TEX9: variants seen among roughly 807,000 people sequenced by gnomAD.
TEX9 encodes the protein testis expressed 9, also known as testis-expressed protein 9.
TEX9 carries 74 observed loss-of-function variants against 59.6 expected under a neutral mutation model. The observed-to-expected ratio is 1.24, with a 90% CI of 1.03 to 1.51. The LOEUF is 1.51. Among genes scored for constraint, TEX9 ranks in the 40% most tolerant of loss-of-function variants. The pLI, the probability that TEX9 is intolerant of heterozygous loss-of-function variation, is 0.00. For missense variants in TEX9, 522 were observed against 447.8 expected (o/e 1.17, Z -1.49); for synonymous variants, 186 against 152.2 (o/e 1.22, Z -1.64).
intron 6 of TEX9, among the ~76,000 whole-genome samples, chr15:56,390,956 C>G (rs1316014421): frequency 6.6e-6 from 1 of 152,036 alleles, no homozygotes; most frequent in Admixed American, 6.6e-5. Context: ...AAAGCCTTCT[C>G]TAGCTCTGTG....
Position 56,333,465 on chromosome 15 carries a change from A to G in TEX9, c.-106-39976A>G, listed in dbSNP as rs1441719618. 1.0e-4 allele frequency among the ~76,000 whole-genome samples: 10 copies of G among 99,546 alleles called. No homozygotes were observed. The Admixed American group carries it at 1.3e-3, about 13-fold the overall frequency. 65.3% of individuals were successfully genotyped at this position (99,546 alleles called of 152,430 possible). A position where few individuals can be genotyped will look rare whatever the true frequency, so the allele number is the denominator to read the frequency against. Reference sequence around the variant, plus strand: ...GGAAAAGCATTTGATGAAATTCAACACTCCTTCATGATAAAAAAAAAAAAC... The same window carrying G: ...GGAAAAGCATTTGATGAAATTCAACGCTCCTTCATGATAAAAAAAAAAAAC... On this transcript the variant is annotated intron_variant, in intron 1 of 5. Transcript: ENST00000560827.
At chr15:56,411,879 T>A (rs1052888426) in intron 9 of TEX9, among the ~76,000 whole-genome samples, 2 of 152,170 alleles carry the variant, frequency 1.3e-5, no homozygotes, top group Non-Finnish European at 2.9e-5. Flanking sequence ...AATGAATATA[T>A]TCTGAAAAGA....
chr15:56,260,139 T>G (rs1350255314), intron 1 of TEX9, among the ~76,000 whole-genome samples: 2 of 152,140 alleles, frequency 1.3e-5, no homozygotes, highest in African/African-American at 4.8e-5. Flanking sequence ...TAATTGTGTA[T>G]ATATTATTTT....
intron 1 of TEX9, among the ~76,000 whole-genome samples, chr15:56,266,983 A>T (rs1371018866): frequency 6.6e-6 from 1 of 152,144 alleles, no homozygotes; most frequent in Non-Finnish European, 1.5e-5. Context: ...CCTCTCCAGC[A>T]CCTGTTGTTT....
chr15:56,395,146 A>G lies in TEX9; in HGVS notation c.828+312A>G, dbSNP rs749180434. 45 of 344,430 alleles carry G rather than the reference A, an allele frequency of 1.3e-4. 1 individual carries two copies. The highest frequency in any genetic ancestry group is 2.6e-5 in the Non-Finnish European group (5 of 193,346). The allele number at this position is 344,430 out of a possible 1,614,324, so 21.3% of individuals were successfully genotyped here. ...CTGACCCTGCTCCCCTCAATCCCTT[A>G]CAGCCCTAGGCAACCACTATTCTAT... On this transcript the variant is annotated intron_variant, in intron 9 of 12. Transcript: ENST00000352903.
chr15:56,431,750 C>G (rs1439683028), intron 12 of TEX9, among the ~76,000 whole-genome samples: 1 of 151,938 alleles, frequency 6.6e-6, no homozygotes, highest in East Asian at 1.9e-4. Flanking sequence ...AAAGTGTCTT[C>G]ATTACCAAGG....
At chr15:56,437,819 A>G (rs1443482907) in intron 12 of TEX9, among the ~76,000 whole-genome samples, 3 of 152,186 alleles carry the variant, frequency 2.0e-5, no homozygotes, top group Non-Finnish European at 4.4e-5. Context: ...TTATACACCA[A>G]TAACAGACAG....
chr15:56,439,727 A>G (rs921949853), intron 12 of TEX9, among the ~76,000 whole-genome samples: 4 of 151,404 alleles, frequency 2.6e-5, no homozygotes, highest in Admixed American at 6.6e-5. Context: ...CAGATCACAG[A>G]TTGAAATGTA....
At chr15:56,381,797 G>A (rs773796134) in intron 3 of TEX9, among the ~76,000 whole-genome samples, 75 of 152,332 alleles carry the variant, frequency 4.9e-4, no homozygotes, top group Middle Eastern at 3.4e-3. Context: ...ATTGTGCTCC[G>A]TCAGACCTGA....
chr15:56,303,355 T>TAGATATTAG (rs1261934078), intron 1 of TEX9, among the ~76,000 whole-genome samples: 11 of 152,130 alleles, frequency 7.2e-5, no homozygotes, highest in Non-Finnish European at 1.5e-4. Context: ...TAATATCAAG[T>TAGATATTAG]ATCTGACCAC....
At chr15:56,403,116 T>C (rs1422296846) in intron 9 of TEX9, among the ~76,000 whole-genome samples, 1 of 152,204 alleles carries the variant, frequency 6.6e-6, no homozygotes, top group East Asian at 1.9e-4. Context: ...TTCAACATAG[T>C]GTTGGAAGTT....
At chr15:56,388,620 C>A in intron 5 of TEX9, 100 bp downstream of exon 5, 1 of 959,308 alleles carries the variant, frequency 1.0e-6, no homozygotes, top group Non-Finnish European at 1.6e-6. Context: ...TATGACTCAA[C>A]AGAAATAGAA....
chr15:56,398,595 A>G (rs150778664), intron 9 of TEX9, among the ~76,000 whole-genome samples: 23 of 152,290 alleles, frequency 1.5e-4, no homozygotes, highest in East Asian at 5.8e-4. Context: ...GTTCTTGGCC[A>G]TCATGTCCAA....
At chr15:56,374,650 CT>C (rs1347654554) in intron 3 of TEX9, 2 of 152,106 alleles carry the variant, frequency 1.3e-5, no homozygotes, top group Non-Finnish European at 2.9e-5. Context: ...TTCTTTCTGA[CT>C]ATATATTTTT....
chr15:56,339,909 G>T (rs1360235107), intron 1 of TEX9, among the ~76,000 whole-genome samples: 2 of 151,934 alleles, frequency 1.3e-5, no homozygotes, highest in African/African-American at 4.8e-5. Context: ...CTGCTGGCAG[G>T]CTCCTCAACT....
rs116497320 is a variant in TEX9, at chr15:56,264,013, G to T, written c.-107+19735G>T. On this transcript the variant is annotated intron_variant, in intron 1 of 5. Coordinates refer to the TEX9 transcript ENST00000560827. ...GAATAATACATTTGGCTTGTTACCAGTCTTTGGTGACTTTGGAAAAAGTTG... is the reference window on the plus strand; with the variant it reads ...GAATAATACATTTGGCTTGTTACCATTCTTTGGTGACTTTGGAAAAAGTTG... Among the ~76,000 whole-genome samples, 383 of 152,262 alleles carry T rather than the reference G, an allele frequency of 2.5e-3. 3 individuals carry two copies. Among genetic ancestry groups the T allele is most frequent in the African/African-American group, 8.9e-3 (369 of 41,548 alleles).
chr15:56,451,642 A>G, the TEX9 span, among the ~76,000 whole-genome samples: 1 of 152,108 alleles, frequency 6.6e-6, no homozygotes, highest in Non-Finnish European at 1.5e-5. Context: ...TTCAATTTTG[A>G]TTATAGACAG....
chr15:56,309,707 T>TTTTTTA (rs1567080508), intron 1 of TEX9, among the ~76,000 whole-genome samples: 1 of 131,634 alleles, frequency 7.6e-6, no homozygotes, highest in Non-Finnish European at 1.7e-5. Context: ...TTTTTTTTTT[T>TTTTTTA]TTTTTTTTTT....
In TEX9 at chr15:56,333,984, T is replaced by C. The variant is rs182793168; in HGVS notation, c.-106-39457T>C. 3.4e-3 allele frequency among the ~76,000 whole-genome samples: 519 copies of C among 152,112 alleles called. 1 individual carries two copies. The highest frequency in any genetic ancestry group is 0.022 in the South Asian group (106 of 4,816). On this transcript the variant is annotated intron_variant, in intron 1 of 5. Coordinates refer to the TEX9 transcript ENST00000560827. ...AAGACAAAGACCTCTACAGTGAAAA[T>C]TGTAAAACACTGATACAAGAAATTG...
Sources: allele counts gnomAD v4.1 joint callset (sites outside exome capture counted in the v4.1 genomes callset), GRCh38; gene constraint gnomAD v4.1.1; transcripts MANE v1.5; gene names NCBI Gene and HGNC (gene_info 2026-07-23, HGNC 2026-07-21).